TSC22D2: variants seen among roughly 807,000 people sequenced by gnomAD.
The protein encoded by TSC22D2 is TSC22 domain family member 2.
A neutral mutation model predicts 50.1 loss-of-function variants in TSC22D2; 5 were observed. The observed-to-expected ratio is 0.10, with a 90% CI of 0.05 to 0.21. The LOEUF is 0.21. Ranked by LOEUF, TSC22D2 falls within the 10% of genes least tolerant of loss-of-function variation. The pLI is 1.00. For missense variants in TSC22D2, 1,003 were observed against 1,015.5 expected (o/e 0.99, Z 0.17); for synonymous variants, 501 against 450.1 (o/e 1.11, Z -1.43).
intron 1 of TSC22D2, among the ~76,000 whole-genome samples, chr3:150,433,933 G>T (rs1245215324): frequency 6.6e-6 from 1 of 151,972 alleles, no homozygotes; most frequent in African/African-American, 2.4e-5. Context: ...AAATTAGCCG[G>T]GTGTGATGGT....
chr3:150,413,313 A>G (rs891032967), intron 1 of TSC22D2, among the ~76,000 whole-genome samples: 1 of 152,210 alleles, frequency 6.6e-6, no homozygotes, highest in African/African-American at 2.4e-5. Flanking sequence ...AATTCAGTGC[A>G]GGGGTTTTGA....
intron 1 of TSC22D2, among the ~76,000 whole-genome samples, chr3:150,425,167 AT>A (rs959812254): frequency 9.3e-5 from 14 of 150,582 alleles, no homozygotes; most frequent in East Asian, 3.9e-4. Context: ...TAAATTTAGG[AT>A]TTTTTTTTTA....
Position 150,410,370 on chromosome 3 carries a change from G to T in TSC22D2, c.1020G>T (p.Pro340=), listed in dbSNP as rs1719486702. The T allele has an allele frequency of 6.2e-7, 1 of 1,601,608 alleles. No individual in the cohort carries two copies. Among genetic ancestry groups the T allele is most frequent in the African/African-American group, 1.3e-5 (1 of 74,286 alleles). ...CGCAGCCGGCTATGTCCCTGCCTCCGCAGCCGGGCCCTGCAGTGGGCGCCC... is the reference window on the plus strand; with the variant it reads ...CGCAGCCGGCTATGTCCCTGCCTCCTCAGCCGGGCCCTGCAGTGGGCGCCC... ...TLAQPAMSLP[P]QPGPAVGAPA... The change falls in exon 1 of 3, where the codon CCG becomes CCT. Residue 340 remains proline (P), a synonymous_variant. Transcript: ENST00000688009.
chr3:150,408,640 C>G lies in TSC22D2; in HGVS notation c.-711C>G, dbSNP rs1240613030. On this transcript the variant is annotated 5_prime_UTR_variant, in exon 1 of 3. Coordinates refer to ENST00000688009, the MANE Select transcript of TSC22D2 (RefSeq NM_001303264.2). ...GGACCGAGCCGGCTTTCCCCTCCCC[C>G]AGAGCGGGTTTCCGCCTGAGGCAGT... The G allele has an allele frequency of 1.3e-5, 2 of 152,502 alleles. No individual in the cohort carries two copies. The highest frequency in any genetic ancestry group is 1.9e-4 in the East Asian group (1 of 5,188). 9.4% of individuals were successfully genotyped at this position (152,502 alleles called of 1,614,324 possible). A position where few individuals can be genotyped will look rare whatever the true frequency, so the allele number is the denominator to read the frequency against.
chr3:150,409,696 G>A lies in TSC22D2; in HGVS notation c.346G>A (p.Ala116Thr), dbSNP rs1476969108. 1 of 1,587,620 alleles carries A rather than the reference G, an allele frequency of 6.3e-7. No homozygotes were observed. Among genetic ancestry groups the A allele is most frequent in the African/African-American group, 1.3e-5 (1 of 74,518 alleles). The stretch of plus-strand genomic sequence containing the variant: ...CGTTTCGGCCCGGAGCGTGTCTGGG[G>A]CGCTCGCCAGTACCCTGGCGGCGGC... ...GVVSARSVSG[A>T]LASTLAAAAT... Residue 116 changes from alanine (A) to threonine (T), a missense_variant, in exon 1 of 3, where the codon GCG (alanine) becomes ACG (threonine). This residue lies in a region of TSC22D2 where 200 missense variants were observed against 182.8 expected (regional missense o/e 1.09). Coordinates refer to ENST00000688009, the MANE Select transcript of TSC22D2 (RefSeq NM_001303264.2). The surrounding 1 kb of genome is among the most constrained non-coding windows in gnomAD (Gnocchi z 7.4).
chr3:150,457,913 G>A (rs1276556101), intron 2 of TSC22D2, among the ~76,000 whole-genome samples: 2 of 152,052 alleles, frequency 1.3e-5, no homozygotes, highest in Admixed American at 6.6e-5. Flanking sequence ...TGGGATTACC[G>A]GTGTGAGACC....
rs1721329271 is a variant in TSC22D2 at position 150,459,791 on chromosome 3, T to C, written c.*1155T>C. Reference sequence around the variant, plus strand: ...AATAAAAGAGAACGAACAGGTAGTTTGGTGGAGCTGAGCTAGTGTACAATA... The same window carrying C: ...AATAAAAGAGAACGAACAGGTAGTTCGGTGGAGCTGAGCTAGTGTACAATA... On this transcript the variant is annotated 3_prime_UTR_variant, in exon 3 of 3. Transcript: ENST00000688009. The C allele has an allele frequency of 6.7e-6, 1 of 148,970 alleles. No individual in the cohort carries two copies. The highest frequency in any genetic ancestry group is 1.5e-5 in the Non-Finnish European group (1 of 67,476). The allele number at this position is 148,970 out of a possible 1,614,324, so 9.2% of individuals were successfully genotyped here.
chr3:150,412,027 GT>G (rs1719593348), intron 1 of TSC22D2, among the ~76,000 whole-genome samples: 1 of 152,126 alleles, frequency 6.6e-6, no homozygotes, highest in Non-Finnish European at 1.5e-5. Context: ...GAAAGCTATA[GT>G]TCTTGAAATT....
chr3:150,427,780 T>G (rs1292483353), intron 1 of TSC22D2, among the ~76,000 whole-genome samples: 1 of 152,030 alleles, frequency 6.6e-6, no homozygotes, highest in African/African-American at 2.4e-5. Flanking sequence ...CCTCCCTCTT[T>G]CCTTACTTCA....
chr3:150,438,095 C>T (rs903525145), intron 1 of TSC22D2: 3 of 232,380 alleles, frequency 1.3e-5, no homozygotes, highest in South Asian at 8.8e-5. Flanking sequence ...TTTTAAAGTA[C>T]AAAATATCAG....
rs1327033665 is a variant in TSC22D2, at chr3:150,409,320, C to T, written c.-31C>T. ...TTCCGACAGGACCCAGAGGAGCCGG[C>T]GTGCCTCTCTGCCCTCCAGCCTTCT... On this transcript the variant is annotated 5_prime_UTR_variant, in exon 1 of 3. Transcript: ENST00000688009. This position sits in a 1 kb window ranked among gnomAD's most constrained non-coding sequence, Gnocchi z 7.4. The T allele has an allele frequency of 6.4e-7, 1 of 1,557,280 alleles. No individual in the cohort carries two copies.
chr3:150,437,115 A>G (rs1174898704), intron 1 of TSC22D2, among the ~76,000 whole-genome samples: 1 of 152,200 alleles, frequency 6.6e-6, no homozygotes, highest in Non-Finnish European at 1.5e-5. Flanking sequence ...GCAACTAAAA[A>G]TATAAATGTA....
At chr3:150,447,361 TTTCTCC>T (rs1448435488) in intron 1 of TSC22D2, among the ~76,000 whole-genome samples, 1 of 152,228 alleles carries the variant, frequency 6.6e-6, no homozygotes, top group Non-Finnish European at 1.5e-5. Context: ...GCAAGTTTGT[TTTCTCC>T]TATGGTTTGA....
At chr3:150,444,993 T>C (rs1375896354) in intron 1 of TSC22D2, among the ~76,000 whole-genome samples, 1 of 152,198 alleles carries the variant, frequency 6.6e-6, no homozygotes, top group Non-Finnish European at 1.5e-5. Context: ...TGTTGAATTT[T>C]CATATAACAC....
At position 150,459,055 on chromosome 3, in the gene TSC22D2, T is replaced by C. The variant is rs1721289922; in HGVS notation, c.*419T>C. 6.4e-6 allele frequency: 1 copy of C among 155,934 alleles called. No homozygotes were observed. Among genetic ancestry groups the C allele is most frequent in the South Asian group, 2.0e-4 (1 of 4,948 alleles). The allele number at this position is 155,934 out of a possible 1,614,324, so 9.7% of individuals were successfully genotyped here. A position where few individuals can be genotyped will look rare whatever the true frequency, so the allele number is the denominator to read the frequency against. ...TTCAGTAACATTTGCCTACATAAGT[T>C]TTCATTTATTTGTGTTTTATTTATT... On this transcript the variant is annotated 3_prime_UTR_variant, in exon 3 of 3. Transcript: ENST00000688009.
chr3:150,425,276 G>A (rs934080130), intron 1 of TSC22D2, among the ~76,000 whole-genome samples: 2 of 152,152 alleles, frequency 1.3e-5, no homozygotes, highest in Non-Finnish European at 2.9e-5. Flanking sequence ...TGTAATCCCA[G>A]CACTTTGGGA....
chr3:150,410,072 G>C lies in TSC22D2; in HGVS notation c.722G>C (p.Gly241Ala). 1 of 1,613,066 alleles carries C rather than the reference G, an allele frequency of 6.2e-7. No homozygotes were observed. The highest frequency in any genetic ancestry group is 8.5e-7 in the Non-Finnish European group (1 of 1,180,022). Residue 241 changes from glycine (G) to alanine (A), a missense_variant, in exon 1 of 3, where the codon GGA becomes GCA. By Grantham distance (60) the Gly-to-Ala change is moderately conservative (BLOSUM62 0). Transcript: ENST00000688009. ...CAGGGGGCGCACGGGCCCGAGTCGGGAACTGACAGCTCCTTGACTGCTGTG... is the reference window on the plus strand; with the variant it reads ...CAGGGGGCGCACGGGCCCGAGTCGGCAACTGACAGCTCCTTGACTGCTGTG... ...SMQGAHGPES[G>A]TDSSLTAVSQ...
intron 1 of TSC22D2, among the ~76,000 whole-genome samples, chr3:150,447,277 C>T (rs1720915504): frequency 6.6e-6 from 1 of 152,090 alleles, no homozygotes. Context: ...CTTCCCAAGC[C>T]CATCTTTTTC....
intron 2 of TSC22D2, 92 bp from the exon 3 acceptor site, chr3:150,458,284 A>G: frequency 1.6e-6 from 2 of 1,290,294 alleles, no homozygotes; most frequent in Non-Finnish European, 2.1e-6. Flanking sequence ...CAGGAAAACT[A>G]GTATAAAAAC....
Sources: gnomAD v4.1 joint callset for allele counts (sites outside exome capture counted in the v4.1 genomes callset) on GRCh38, gnomAD v4.1.1 for gene constraint, gnomAD v4.1.1 regional missense constraint, Gnocchi (gnomAD v3.1) non-coding constraint, MANE v1.5 for transcripts, NCBI Gene and HGNC (gene_info 2026-07-23, HGNC 2026-07-21) for gene names.